Variants in LMLN observed in about 807,000 individuals in gnomAD.
The protein encoded by LMLN is leishmanolysin like peptidase, also known as leishmanolysin-like peptidase.
A neutral mutation model predicts 92.3 loss-of-function variants in LMLN; 70 were observed. The observed-to-expected ratio is 0.76, with a 90% CI of 0.63 to 0.92. The LOEUF is 0.92. LMLN is among the 40% of genes least tolerant of loss of function. LMLN has a pLI of 0.00. For missense variants in LMLN, 691 were observed against 814.6 expected (o/e 0.85, Z 1.85); for synonymous variants, 308 against 296.2 (o/e 1.04, Z -0.41).
chr3:197,976,033 A>T lies in LMLN; in HGVS notation c.353A>T (p.Lys118Met), dbSNP rs748572691. Residue 118 changes from lysine (K) to methionine (M), a missense_variant, in exon 4 of 16, where the codon AAG becomes ATG. Transcript: ENST00000330198. ...TTTTTTTTAACTTTTATTTAGAACA[A>T]GCTTTTCCCACAAGCGATTTCTTAT... 15 of 1,582,332 alleles carry T rather than the reference A, an allele frequency of 9.5e-6. No individual in the cohort carries two copies. The South Asian group carries it at 1.7e-4, about 18-fold the overall frequency.
rs559267990 is a variant in LMLN, at chr3:198,031,867, C to T, written c.1657-3966C>T. Among the ~76,000 whole-genome samples, 34 of 152,084 alleles carry T rather than the reference C, an allele frequency of 2.2e-4. No individual in the cohort carries two copies. In the East Asian group the frequency reaches 4.8e-3, roughly 22 times the overall value. ...CTGTAATCACAGCACTTTGGGAGCCCGAGACAGGCGGATCACTTGAGGTCA... is the reference window on the plus strand; with the variant it reads ...CTGTAATCACAGCACTTTGGGAGCCTGAGACAGGCGGATCACTTGAGGTCA... On this transcript the variant is annotated intron_variant, in intron 14 of 15. Transcript: ENST00000330198. This position sits in a 1 kb window ranked among gnomAD's most constrained non-coding sequence, Gnocchi z 4.8.
chr3:198,016,735 G>A (rs1335134259), intron 11 of LMLN, among the ~76,000 whole-genome samples: 1 of 152,100 alleles, frequency 6.6e-6, no homozygotes, highest in East Asian at 1.9e-4. Context: ...AAACAGAAGG[G>A]ACTTCTACTT....
At chr3:197,978,449 A>G (rs1365804513) in intron 5 of LMLN, among the ~76,000 whole-genome samples, 1 of 152,152 alleles carries the variant, frequency 6.6e-6, no homozygotes, top group African/African-American at 2.4e-5. Context: ...TAGCCTTGGC[A>G]ACATTGTGAA....
intron 14 of LMLN, among the ~76,000 whole-genome samples, chr3:198,027,721 A>T (rs139471596): frequency 2.2e-3 from 331 of 152,314 alleles, no homozygotes; most frequent in African/African-American, 7.5e-3. Flanking sequence ...ATGTCTCAAT[A>T]ACACTCCATT....
chr3:197,996,274 T>C, exon 10 of LMLN: 1 of 1,561,546 alleles, frequency 6.4e-7, no homozygotes. Context: ...GGAAAAAAGG[T>C]TATTAGAGGT....
At chr3:197,993,179 C>T (rs937422995) in intron 9 of LMLN, among the ~76,000 whole-genome samples, 8 of 152,082 alleles carry the variant, frequency 5.3e-5, no homozygotes, top group African/African-American at 1.9e-4. Flanking sequence ...CAATCTTATA[C>T]TCATTAGTGA....
In LMLN at chr3:197,992,008, C is replaced by G. The variant is rs757504964; in HGVS notation, c.1047+1332C>G. Reference sequence around the variant, plus strand: ...TCCCAAGTAGCTGGAATTACAGGCTCCCACCACGATGCCTGGCTAATTTTT... The same window carrying G: ...TCCCAAGTAGCTGGAATTACAGGCTGCCACCACGATGCCTGGCTAATTTTT... On this transcript the variant is annotated intron_variant, in intron 9 of 15. Transcript: ENST00000330198. Among the ~76,000 whole-genome samples, 12 of 150,960 alleles carry G rather than the reference C, an allele frequency of 7.9e-5. No homozygotes were observed. The South Asian group carries it at 2.5e-3, about 32-fold the overall frequency.
chr3:197,966,801 A>C (rs1262918053), intron 1 of LMLN, among the ~76,000 whole-genome samples: 1 of 151,758 alleles, frequency 6.6e-6, no homozygotes, highest in East Asian at 1.9e-4. Flanking sequence ...ATGTATTTTT[A>C]TTTTTTTAGA....
intron 12 of LMLN, 33 bp from the exon 14 acceptor site, chr3:198,021,413 T>G: frequency 2.5e-6 from 4 of 1,602,526 alleles, no homozygotes; most frequent in Non-Finnish European, 3.4e-6. Context: ...GAATGTTTCT[T>G]ACTTTCTTGT....
chr3:198,014,272 T>A (rs1378533777), intron 11 of LMLN, among the ~76,000 whole-genome samples: 1 of 142,620 alleles, frequency 7.0e-6, no homozygotes, highest in Non-Finnish European at 1.5e-5. Flanking sequence ...GTCTGACTTC[T>A]CTCCACCCTT....
At chr3:197,964,792 T>G (rs894992792) in intron 1 of LMLN, among the ~76,000 whole-genome samples, 1 of 151,674 alleles carries the variant, frequency 6.6e-6, no homozygotes, top group African/African-American at 2.4e-5. Context: ...TGGATCACCT[T>G]AGGTCAGGAG....
chr3:197,984,223 G>A (rs544925598), intron 7 of LMLN, among the ~76,000 whole-genome samples, 175 bp downstream of exon 7: 8 of 151,732 alleles, frequency 5.3e-5, no homozygotes, highest in East Asian at 2.0e-4. Flanking sequence ...AAAAATTAGC[G>A]GGGCATGGTG....
chr3:197,960,463 G>T, intron 1 of LMLN, 23 bp downstream of exon 1: 1 of 1,606,312 alleles, frequency 6.2e-7, no homozygotes, highest in Non-Finnish European at 8.5e-7. Context: ...GGGCGGGAGC[G>T]GGCCCTCTCA....
At chr3:197,989,512 A>G (rs1473723843) in intron 8 of LMLN, among the ~76,000 whole-genome samples, 1 of 152,126 alleles carries the variant, frequency 6.6e-6, no homozygotes, top group African/African-American at 2.4e-5. Context: ...TTAATATGGC[A>G]TTTTGTTGGT....
chr3:197,985,448 C>T (rs1337210649), intron 7 of LMLN, among the ~76,000 whole-genome samples: 1 of 150,964 alleles, frequency 6.6e-6, no homozygotes, highest in East Asian at 1.9e-4. Context: ...GAATTAAAAA[C>T]ACAACAGCTG....
intron 11 of LMLN, among the ~76,000 whole-genome samples, chr3:198,014,068 T>C (rs1302218828): frequency 2.1e-4 from 25 of 117,860 alleles, no homozygotes; most frequent in African/African-American, 3.5e-4. Context: ...CTTCAGAGCC[T>C]CCTAACTAGT....
Position 198,024,668 on chromosome 3 carries a change from GAACT to G in LMLN, c.1538_1541del (p.Asn513MetfsTer13). The G allele has an allele frequency of 6.3e-7, 1 of 1,581,322 alleles. No individual in the cohort carries two copies. Among genetic ancestry groups the G allele is most frequent in the Non-Finnish European group, 8.6e-7 (1 of 1,168,006 alleles). On this transcript the variant is annotated frameshift_variant, in exon 14 of 16. Coordinates refer to ENST00000330198, the Ensembl canonical transcript of LMLN. LOFTEE classifies it high-confidence loss of function. ...TCTTCTTTGCCTCAGAAATTTTTAA[GAACT>G]ATGGCGCTGAAAAGTATGGACCTCA...
At chr3:197,969,745 CATGTTAAAT>C (rs1721170771) in intron 1 of LMLN, among the ~76,000 whole-genome samples, 1 of 152,096 alleles carries the variant, frequency 6.6e-6, no homozygotes, top group Non-Finnish European at 1.5e-5. Flanking sequence ...TTAAAATAGT[CATGTTAAAT>C]ATGGGACATT....
At chr3:197,972,118 G>A (rs1363346640) in intron 1 of LMLN, among the ~76,000 whole-genome samples, 1 of 151,466 alleles carries the variant, frequency 6.6e-6, no homozygotes, top group Admixed American at 6.6e-5. Flanking sequence ...AGGCTGTAGG[G>A]TGATGGTGCA....
Sources: gnomAD v4.1 joint callset for allele counts (sites outside exome capture counted in the v4.1 genomes callset) on GRCh38, gnomAD v4.1.1 for gene constraint, Gnocchi (gnomAD v3.1) non-coding constraint, MANE v1.5 for transcripts, NCBI Gene and HGNC (gene_info 2026-07-23, HGNC 2026-07-21) for gene names.